Variants in NCK2 observed in about 807,000 individuals in gnomAD.
NCK2 encodes cytoplasmic protein NCK2.
Under a neutral mutation model 33.9 loss-of-function variants are expected in NCK2, and 16 were observed. The observed-to-expected ratio is 0.47, with a 90% CI of 0.32 to 0.72. The LOEUF is 0.72. Among genes scored for constraint, NCK2 ranks in the 30% least tolerant of loss-of-function variants. The pLI is 0.03. For missense variants in NCK2, 418 were observed against 537.3 expected, an observed-to-expected ratio of 0.78 and a Z score of 2.19; for synonymous variants, 273 against 239.9, an observed-to-expected ratio of 1.14 and a Z score of -1.27.
At chr2:105,810,440 G>GA (rs1408736444) in intron 1 of NCK2, among the ~76,000 whole-genome samples, 2 of 152,090 alleles carry the variant, frequency 1.3e-5, no homozygotes, top group Admixed American at 6.5e-5. Context: ...CCTTCCTTCA[G>GA]AAAAAGGGGG....
chr2:105,875,037 T>C (rs565875353), intron 3 of NCK2, among the ~76,000 whole-genome samples: 12 of 152,306 alleles, frequency 7.9e-5, no homozygotes, highest in African/African-American at 2.2e-4. Flanking sequence ...GCAGTACACA[T>C]GTTATTTTAT....
chr2:105,808,737 C>G (rs749765385), intron 1 of NCK2, among the ~76,000 whole-genome samples: 1 of 152,164 alleles, frequency 6.6e-6, no homozygotes, highest in Admixed American at 6.5e-5. Flanking sequence ...GATCCTGATT[C>G]AAGTAAATCA....
intron 3 of NCK2, among the ~76,000 whole-genome samples, chr2:105,880,718 A>G (rs1678435604): frequency 6.6e-6 from 1 of 152,176 alleles, no homozygotes; most frequent in Non-Finnish European, 1.5e-5. Flanking sequence ...ATGCTCTAAA[A>G]ATGGTTATTT....
At chr2:105,766,422 C>G (rs544351793) in intron 1 of NCK2, among the ~76,000 whole-genome samples, 15 of 152,310 alleles carry the variant, frequency 9.8e-5, no homozygotes, top group African/African-American at 3.6e-4. Context: ...CTCCTGAGCT[C>G]AAGCAATCCT....
At chr2:105,749,357 A>G (rs959448474) in intron 1 of NCK2, among the ~76,000 whole-genome samples, 10 of 152,210 alleles carry the variant, frequency 6.6e-5, no homozygotes, top group East Asian at 5.8e-4. Context: ...TACGTTGCCA[A>G]ATTGTTAGTG....
intron 1 of NCK2, among the ~76,000 whole-genome samples, chr2:105,792,792 C>T (rs1690938092): frequency 1.3e-5 from 2 of 152,198 alleles, no homozygotes; most frequent in African/African-American, 2.4e-5. Flanking sequence ...GTGTGTGCAT[C>T]TATCAGGCCG....
chr2:105,879,942 C>G (rs1017652396), intron 3 of NCK2, among the ~76,000 whole-genome samples: 1 of 152,136 alleles, frequency 6.6e-6, no homozygotes, highest in Non-Finnish European at 1.5e-5. Flanking sequence ...AGGTAGAGGT[C>G]GAAGCAGAGC....
chr2:105,887,936 T>C (rs1339107619), intron 4 of NCK2, among the ~76,000 whole-genome samples: 1 of 152,188 alleles, frequency 6.6e-6, no homozygotes, highest in Non-Finnish European at 1.5e-5. Flanking sequence ...AGAGATGAGG[T>C]GTAAGAATTA....
intron 3 of NCK2, among the ~76,000 whole-genome samples, chr2:105,873,323 T>A (rs960864603): frequency 2.6e-5 from 4 of 152,146 alleles, no homozygotes; most frequent in Non-Finnish European, 5.9e-5. Context: ...CTAAGTCAAC[T>A]CTGAGAGCCC....
At chr2:105,792,030 G>A (rs1393476278) in intron 1 of NCK2, among the ~76,000 whole-genome samples, 1 of 152,170 alleles carries the variant, frequency 6.6e-6, no homozygotes, top group Non-Finnish European at 1.5e-5. Flanking sequence ...TGATTGTGTT[G>A]TGGGCTCTGC....
At chr2:105,788,069 G>A (rs976296013) in intron 1 of NCK2, among the ~76,000 whole-genome samples, 5 of 152,182 alleles carry the variant, frequency 3.3e-5, no homozygotes, top group African/African-American at 1.2e-4. Context: ...ATGCAAAAGT[G>A]AGGGTGCTAG....
intron 2 of NCK2, among the ~76,000 whole-genome samples, chr2:105,817,587 A>T (rs1256888043): frequency 6.6e-6 from 1 of 152,216 alleles, no homozygotes; most frequent in Non-Finnish European, 1.5e-5. Context: ...ATTTACAAGA[A>T]AAAAAACAAC....
chr2:105,875,904 T>C (rs1038165564), intron 3 of NCK2, among the ~76,000 whole-genome samples: 7 of 152,240 alleles, frequency 4.6e-5, no homozygotes, highest in African/African-American at 1.7e-4. Flanking sequence ...GAGATGCTTT[T>C]CAGTGTAAGA....
Position 105,893,417 on chromosome 2 carries a change from T to C in NCK2, c.*241T>C, listed in dbSNP as rs976052808. Reference sequence around the variant, plus strand: ...GAGCAGGGCGAGTTCACATTATTCCTTTTCCATCGGAAGTGGCGCTCGTGC... The same window carrying C: ...GAGCAGGGCGAGTTCACATTATTCCCTTTCCATCGGAAGTGGCGCTCGTGC... On this transcript the variant is annotated 3_prime_UTR_variant, in exon 5 of 5. Coordinates refer to ENST00000233154, the MANE Select transcript of NCK2 (RefSeq NM_003581.5). 1.1e-5 allele frequency: 5 copies of C among 450,996 alleles called. No homozygotes were observed. The highest frequency in any genetic ancestry group is 2.0e-5 in the Non-Finnish European group (5 of 247,264). 27.9% of individuals were successfully genotyped at this position (450,996 alleles called of 1,614,324 possible).
chr2:105,807,065 T>G (rs1675073782), intron 1 of NCK2, among the ~76,000 whole-genome samples: 1 of 152,196 alleles, frequency 6.6e-6, no homozygotes, highest in African/African-American at 2.4e-5. Flanking sequence ...TAATGTGGAA[T>G]GAAGGTAGAG....
intron 3 of NCK2, among the ~76,000 whole-genome samples, chr2:105,865,481 T>C (rs1677708339): frequency 6.6e-6 from 1 of 152,278 alleles, no homozygotes; most frequent in African/African-American, 2.4e-5. Context: ...ATGCAGTTCC[T>C]GCTAGGCATC....
intron 1 of NCK2, among the ~76,000 whole-genome samples, chr2:105,773,586 C>G (rs1411184267): frequency 6.6e-6 from 1 of 152,126 alleles, no homozygotes; most frequent in South Asian, 2.1e-4. Context: ...TCTGTCAGCA[C>G]CCAATACCAT....
At chr2:105,805,549 C>T (rs1452090632) in intron 1 of NCK2, among the ~76,000 whole-genome samples, 4 of 151,860 alleles carry the variant, frequency 2.6e-5, no homozygotes, top group Non-Finnish European at 5.9e-5. Context: ...TTAAATTTCC[C>T]GAACTTACTC....
At chr2:105,788,491 A>G (rs1690760226) in intron 1 of NCK2, among the ~76,000 whole-genome samples, 1 of 152,188 alleles carries the variant, frequency 6.6e-6, no homozygotes, top group African/African-American at 2.4e-5. Context: ...TTCTGAAACT[A>G]CTGTTATCTC....
Sources: gnomAD v4.1 joint callset for allele counts (sites outside exome capture counted in the v4.1 genomes callset) on GRCh38, gnomAD v4.1.1 for gene constraint, MANE v1.5 for transcripts, NCBI Gene and HGNC (gene_info 2026-07-23, HGNC 2026-07-21) for gene names.